The following FASTKD2 variants were observed in gnomAD, a reference collection of about 807,000 sequenced individuals.
FASTKD2 encodes FAST kinase domains 2.
A neutral mutation model predicts 63.6 loss-of-function variants in FASTKD2; 51 were observed. The ratio of observed to expected loss-of-function variants is 0.80; its 90% CI spans 0.64 to 1.01. FASTKD2 has a LOEUF of 1.01. Among genes scored for constraint, FASTKD2 ranks in the 50% least tolerant of loss-of-function variants. The pLI is 0.00. For missense variants in FASTKD2, 786 were observed against 831.1 expected, an observed-to-expected ratio of 0.95 and a Z score of 0.67; for synonymous variants, 284 against 293.4, an observed-to-expected ratio of 0.97 and a Z score of 0.33.
In FASTKD2 at chr2:206,767,099, A is replaced by C. The variant is rs747661863; in HGVS notation, c.406A>C (p.Asn136His). Residue 136 changes from asparagine (N) to histidine (H), a missense_variant, in exon 2 of 12, where the codon AAT becomes CAT. Physicochemically the swap from Asn to His is moderately conservative, Grantham distance 68. Transcript: ENST00000402774. ...TGATGAATTGAAGAAAGTAAACCTT[A>C]ATCATGAAGTCTCCAATGAAGATGT... ...SDDELKKVNL[N>H]HEVSNEDVLT... is the part of the protein sequence containing the mutation. 29 of 1,614,112 alleles carry C rather than the reference A, an allele frequency of 1.8e-5. No individual in the cohort carries two copies. Among genetic ancestry groups the C allele is most frequent in the Non-Finnish European group, 2.4e-5 (28 of 1,179,940 alleles).
intron 7 of FASTKD2, among the ~76,000 whole-genome samples, chr2:206,778,696 C>T (rs760089032): frequency 1.1e-4 from 16 of 151,892 alleles, no homozygotes; most frequent in African/African-American, 1.9e-4. Context: ...CCCCAGGCCA[C>T]GGACTGGTAC....
intron 7 of FASTKD2, chr2:206,786,466 TAAATGAGGAG>T: frequency 2.5e-6 from 1 of 406,270 alleles, no homozygotes; most frequent in Non-Finnish European, 4.6e-6. Context: ...CCCATTTTTT[TAAATGAGGAG>T]AATAATAGTA....
In FASTKD2 at chr2:206,792,474, T is replaced by TA. The variant is rs202157433; in HGVS notation, c.*675dup. 5.2e-4 allele frequency: 79 copies of TA among 152,622 alleles called. No homozygotes were observed. Among genetic ancestry groups the TA allele is most frequent in the African/African-American group, 1.9e-3 (78 of 41,540 alleles). 9.5% of individuals were successfully genotyped at this position (152,622 alleles called of 1,614,324 possible). A position where few individuals can be genotyped will look rare whatever the true frequency, so the allele number is the denominator to read the frequency against. ...CCTCCCACAATTTCATGAAGTCTTTTAAATTAAATATATAGCTGAATTGTG... is the reference window on the plus strand; with the variant it reads ...CCTCCCACAATTTCATGAAGTCTTTTAAAATTAAATATATAGCTGAATTGTG... On this transcript the variant is annotated 3_prime_UTR_variant, in exon 12 of 12. Transcript: ENST00000402774.
In FASTKD2 at chr2:206,793,309, G is replaced by A. The variant is rs1445655037; in HGVS notation, c.*1507G>A. 1.3e-5 allele frequency among the ~76,000 whole-genome samples: 2 copies of A among 150,426 alleles called. No individual in the cohort carries two copies. The highest frequency in any genetic ancestry group is 1.5e-5 in the Non-Finnish European group (1 of 67,850). On this transcript the variant is annotated 3_prime_UTR_variant, in exon 12 of 12. Coordinates refer to ENST00000402774, the MANE Select transcript of FASTKD2 (RefSeq NM_001136193.2). The stretch of plus-strand genomic sequence containing the variant: ...CAGGTTGTATCAATTTATCCAGCTT[G>A]CATTTAGAAAAGGTTAGAGCTGAAA...
At chr2:206,770,056 T>A in intron 2 of FASTKD2, 35 bp from the exon 3 acceptor site, 1 of 1,329,932 alleles carries the variant, frequency 7.5e-7, no homozygotes, top group Non-Finnish European at 1.1e-6. Context: ...TATGGGCTCA[T>A]CACCTGTAGT....
At chr2:206,786,949 A>G (rs746785629) in intron 8 of FASTKD2, 50 bp downstream of exon 8, 1 of 1,000,232 alleles carries the variant, frequency 1.0e-6, no homozygotes, top group Non-Finnish European at 1.6e-6. Context: ...ATTCTGCACT[A>G]CCACTAGCTA....
chr2:206,771,841 TAATTTATTTTGTCACAGATAGTA>T, intron 4 of FASTKD2, 30 bp from the exon 5 acceptor site: 1 of 1,406,672 alleles, frequency 7.1e-7, no homozygotes, highest in South Asian at 1.2e-5. Flanking sequence ...AATAAAAGTT[TAATTTATTTTGTCACAGATAGTA>T]AATTAAATTA....
chr2:206,795,478 C>T lies in FASTKD2; in HGVS notation c.*3676C>T, dbSNP rs531770594. Among the ~76,000 whole-genome samples, 35 of 152,200 alleles carry T rather than the reference C, an allele frequency of 2.3e-4. No individual in the cohort carries two copies. Among genetic ancestry groups the T allele is most frequent in the Non-Finnish European group, 4.0e-4 (27 of 68,028 alleles). ...CGATCTCCTGACCTTGCGATCTGCCCGCCTTTGGCCTTCCAAAGTGCTGGG... is the reference window on the plus strand; with the variant it reads ...CGATCTCCTGACCTTGCGATCTGCCTGCCTTTGGCCTTCCAAAGTGCTGGG... On this transcript the variant is annotated 3_prime_UTR_variant, in exon 12 of 12. Transcript: ENST00000402774.
At chr2:206,788,779 A>G in intron 9 of FASTKD2, 40 bp from the exon 10 acceptor site, 1 of 910,672 alleles carries the variant, frequency 1.1e-6, no homozygotes. Context: ...AGTCACTTGG[A>G]GGAATGTTTG....
intron 7 of FASTKD2, among the ~76,000 whole-genome samples, chr2:206,785,627 C>T (rs1690119194): frequency 6.6e-6 from 1 of 152,142 alleles, no homozygotes; most frequent in African/African-American, 2.4e-5. Flanking sequence ...CTTCCTTGTC[C>T]ACACCATCCC....
At position 206,786,804 on chromosome 2, in the gene FASTKD2, A is replaced by G; in HGVS notation, c.1499A>G (p.Asp500Gly). 6 of 1,613,378 alleles carry G rather than the reference A, an allele frequency of 3.7e-6. No homozygotes were observed. Among genetic ancestry groups the G allele is most frequent in the Non-Finnish European group, 5.1e-6 (6 of 1,179,346 alleles). Residue 500 changes from aspartate (D) to glycine (G), a missense_variant, in exon 8 of 12, where the codon GAT (aspartate) becomes GGT (glycine). Transcript: ENST00000402774. ...ACTATTTCTTCTGAAAACTTATTGG[A>G]TGCAGTATATTCATTTTGCTTGATG... ...LHTISSENLL[D>G]AVYSFCLMNY... is the part of the protein sequence containing the mutation.
In FASTKD2 at chr2:206,765,619, C is replaced by T; in HGVS notation, c.-179C>T. On this transcript the variant is annotated 5_prime_UTR_variant, in exon 1 of 12. Coordinates refer to ENST00000402774, the MANE Select transcript of FASTKD2 (RefSeq NM_001136193.2). The stretch of plus-strand genomic sequence containing the variant: ...CAGCTTCTCGGGGAAGCTGTCATGG[C>T]TGCTCCTGTACGTAGTCACGGTCTT... 1 of 835,908 alleles carries T rather than the reference C, an allele frequency of 1.2e-6. No individual in the cohort carries two copies. The highest frequency in any genetic ancestry group is 1.5e-6 in the Non-Finnish European group (1 of 672,802). 51.8% of individuals were successfully genotyped at this position (835,908 alleles called of 1,614,324 possible).
chr2:206,778,868 T>C (rs563179515), intron 7 of FASTKD2, among the ~76,000 whole-genome samples: 162 of 152,228 alleles, frequency 1.1e-3, no homozygotes, highest in African/African-American at 3.5e-3. Context: ...GCGTGCTCCT[T>C]ATGAGAATCT....
intron 7 of FASTKD2, among the ~76,000 whole-genome samples, chr2:206,785,781 A>C (rs1359756669): frequency 6.6e-6 from 1 of 152,054 alleles, no homozygotes; most frequent in Admixed American, 6.5e-5. Context: ...ACAGCCCTTC[A>C]TCCTCCCCAA....
At chr2:206,782,010 A>G (rs1251417244) in intron 7 of FASTKD2, among the ~76,000 whole-genome samples, 1 of 151,828 alleles carries the variant, frequency 6.6e-6, no homozygotes, top group East Asian at 1.9e-4. Flanking sequence ...CCTTCTCTCA[A>G]TCTCTCAGAG....
chr2:206,790,369 T>C (rs1690250045), intron 10 of FASTKD2: 2 of 528,708 alleles, frequency 3.8e-6, no homozygotes, highest in South Asian at 4.0e-5. Context: ...GTGTATAATG[T>C]TGTATATTTT....
At chr2:206,775,558 G>A (rs920395513) in intron 7 of FASTKD2, among the ~76,000 whole-genome samples, 1 of 149,848 alleles carries the variant, frequency 6.7e-6, no homozygotes, top group African/African-American at 2.5e-5. Flanking sequence ...ATACTGTGCT[G>A]TAGTTTTTTT....
intron 7 of FASTKD2, among the ~76,000 whole-genome samples, chr2:206,785,860 G>C (rs1690125251): frequency 6.6e-6 from 1 of 152,026 alleles, no homozygotes; most frequent in Non-Finnish European, 1.5e-5. Flanking sequence ...CTTGTGTCCA[G>C]GCATATTTGC....
rs1203299136 is a variant in FASTKD2, at chr2:206,786,862, T to G, written c.1557T>G (p.Leu519=). 1.2e-6 allele frequency: 2 copies of G among 1,609,294 alleles called. No individual in the cohort carries two copies. Among genetic ancestry groups the G allele is most frequent in the Non-Finnish European group, 8.5e-7 (1 of 1,177,054 alleles). The change falls in exon 8 of 12, where the codon CTT becomes CTG. Residue 519 remains leucine, a synonymous_variant. Coordinates refer to ENST00000402774, the MANE Select transcript of FASTKD2 (RefSeq NM_001136193.2). ...NYFPLAPFNQ[L]LQKDIISELL... ...TTCCCCTGGCTCCTTTTAATCAGCT[T>G]CTGCAAAAAGACATCATCAGTGAGC...
Sources: gnomAD v4.1 joint callset for allele counts (sites outside exome capture counted in the v4.1 genomes callset) on GRCh38, gnomAD v4.1.1 for gene constraint, MANE v1.5 for transcripts, NCBI Gene and HGNC (gene_info 2026-07-23, HGNC 2026-07-21) for gene names.